Variants in PIK3C2G observed in about 807,000 individuals in gnomAD.
PIK3C2G encodes the protein phosphatidylinositol 3-kinase C2 domain-containing subunit gamma.
PIK3C2G carries 168 observed loss-of-function variants against 181.1 expected under a neutral mutation model. That is an observed-to-expected ratio of 0.93 (90% CI 0.82 to 1.05). PIK3C2G has a LOEUF of 1.05. Ranked by LOEUF, PIK3C2G falls within the 50% of genes least tolerant of loss-of-function variation. PIK3C2G has a pLI of 0.00. For missense variants in PIK3C2G, 1,869 were observed against 1,732.8 expected, an observed-to-expected ratio of 1.08 and a Z score of -1.40; for synonymous variants, 573 against 592.2, an observed-to-expected ratio of 0.97 and a Z score of 0.47.
intron 31 of PIK3C2G, among the ~76,000 whole-genome samples, chr12:18,621,860 C>A (rs1251624338): frequency 6.6e-6 from 1 of 151,550 alleles, no homozygotes; most frequent in Non-Finnish European, 1.5e-5. Flanking sequence ...ATTATTCCAC[C>A]TTTATATTAA....
At chr12:18,483,727 TCAAA>T (rs956919701) in intron 18 of PIK3C2G, among the ~76,000 whole-genome samples, 3 of 151,392 alleles carry the variant, frequency 2.0e-5, no homozygotes, top group Admixed American at 6.6e-5. Context: ...TAAAGGCAAC[TCAAA>T]CAAACAAGTG....
At position 18,640,414 on chromosome 12, in the gene PIK3C2G, C is replaced by A; in HGVS notation, c.4183-15C>A. ...AGCAACATGCATTAATATTTATAAC[C>A]ATTTTCCTTTGCAGCATCTCCCAGA... On this transcript the variant is annotated splice_polypyrimidine_tract_variant and intron_variant, in intron 31 of 32. Coordinates refer to ENST00000538779, the MANE Select transcript of PIK3C2G (RefSeq NM_001288772.2). 6.2e-7 allele frequency: 1 copy of A among 1,601,572 alleles called. No homozygotes were observed. The highest frequency in any genetic ancestry group is 8.5e-7 in the Non-Finnish European group (1 of 1,172,922).
rs577137960 is a variant in PIK3C2G, at chr12:18,307,949, A to G, written c.1035-6013A>G. ...CTCAAATATTATCATTTTAACATGT[A>G]ATCAAAATAAAGAAAATCATTGAGA... On this transcript the variant is annotated intron_variant, in intron 5 of 32. Coordinates refer to ENST00000538779, the MANE Select transcript of PIK3C2G (RefSeq NM_001288772.2). 3.9e-5 allele frequency among the ~76,000 whole-genome samples: 6 copies of G among 152,088 alleles called. No homozygotes were observed. The South Asian group carries it at 1.2e-3, about 31-fold the overall frequency.
At chr12:18,625,587 A>G (rs1043669758) in intron 31 of PIK3C2G, among the ~76,000 whole-genome samples, 1 of 151,714 alleles carries the variant, frequency 6.6e-6, no homozygotes, top group Non-Finnish European at 1.5e-5. Flanking sequence ...AATTTTCTGT[A>G]TGGATGATCT....
At chr12:18,614,765 C>A (rs968908867) in intron 31 of PIK3C2G, among the ~76,000 whole-genome samples, 2 of 152,032 alleles carry the variant, frequency 1.3e-5, no homozygotes, top group Non-Finnish European at 2.9e-5. Context: ...CTTTCTCTGA[C>A]CTTCATTTAC....
At chr12:18,507,671 T>G (rs1331330793) in intron 24 of PIK3C2G, among the ~76,000 whole-genome samples, 2 of 151,476 alleles carry the variant, frequency 1.3e-5, no homozygotes, top group Non-Finnish European at 2.9e-5. Flanking sequence ...TTTGGACATC[T>G]TTTTTTTTAA....
the PIK3C2G span, among the ~76,000 whole-genome samples, chr12:18,711,765 C>A: frequency 6.6e-6 from 1 of 151,746 alleles, no homozygotes; most frequent in African/African-American, 2.4e-5. Flanking sequence ...CTATTCATAT[C>A]CAAGTGGTAA....
intron 1 of PIK3C2G, among the ~76,000 whole-genome samples, chr12:18,270,201 C>T (rs367800662): frequency 9.9e-4 from 151 of 152,192 alleles, no homozygotes; most frequent in African/African-American, 3.5e-3. Context: ...TGAGCCACTG[C>T]GCACAGCCCG....
chr12:18,480,669 C>A, intron 18 of PIK3C2G, among the ~76,000 whole-genome samples: 1 of 152,142 alleles, frequency 6.6e-6, no homozygotes, highest in East Asian at 1.9e-4. Flanking sequence ...GCTACTGCTC[C>A]TTTCCATGGC....
intron 18 of PIK3C2G, among the ~76,000 whole-genome samples, chr12:18,485,596 T>C (rs1390266791): frequency 1.3e-5 from 2 of 152,166 alleles, no homozygotes; most frequent in African/African-American, 4.8e-5. Context: ...CATTAAGGCA[T>C]GTGTACAAAA....
rs531321221 is a variant in PIK3C2G at position 18,572,568 on chromosome 12, T to C, written c.4011+5511T>C. Among the ~76,000 whole-genome samples the C allele has an allele frequency of 1.8e-4, 27 of 151,828 alleles. No homozygotes were observed. The South Asian group carries it at 5.4e-3, about 30-fold the overall frequency. On this transcript the variant is annotated intron_variant, in intron 29 of 32. Transcript: ENST00000538779. ...ACTATAATCTACTCAGATGTAATGT[T>C]GTTACTTTTATCATGCTTGAGCTTC...
intron 18 of PIK3C2G, among the ~76,000 whole-genome samples, chr12:18,461,062 C>A (rs1216703441): frequency 6.6e-6 from 1 of 152,036 alleles, no homozygotes; most frequent in African/African-American, 2.4e-5. Flanking sequence ...TTCTTCAAAA[C>A]TGTATGTTTA....
chr12:18,503,073 C>T (rs530707878), intron 22 of PIK3C2G, among the ~76,000 whole-genome samples: 20 of 152,176 alleles, frequency 1.3e-4, no homozygotes, highest in Non-Finnish European at 2.8e-4. Flanking sequence ...CTGATTAATC[C>T]GATCCAAACA....
intron 24 of PIK3C2G, among the ~76,000 whole-genome samples, chr12:18,509,910 T>A (rs1223949222): frequency 6.6e-6 from 1 of 152,286 alleles, no homozygotes; most frequent in East Asian, 1.9e-4. Flanking sequence ...ATGGAAACAA[T>A]AAGGAATTTC....
At chr12:18,492,654 A>C (rs1417976508) in intron 20 of PIK3C2G, among the ~76,000 whole-genome samples, 3 of 152,256 alleles carry the variant, frequency 2.0e-5, no homozygotes, top group Non-Finnish European at 2.9e-5. Context: ...TAATGTAGAA[A>C]GAACAACAGG....
At chr12:18,517,838 T>A (rs868674974) in intron 24 of PIK3C2G, among the ~76,000 whole-genome samples, 28 of 152,350 alleles carry the variant, frequency 1.8e-4, no homozygotes, top group African/African-American at 6.7e-4. Context: ...TTCCAGCTTT[T>A]GCCCATTCAG....
chr12:18,359,834 G>C (rs1357301535), intron 11 of PIK3C2G, among the ~76,000 whole-genome samples: 1 of 151,990 alleles, frequency 6.6e-6, no homozygotes, highest in Non-Finnish European at 1.5e-5. Context: ...TGGCCTATTT[G>C]TGTCCTTAAA....
chr12:18,556,299 C>T (rs923800819), intron 26 of PIK3C2G, among the ~76,000 whole-genome samples: 1 of 152,094 alleles, frequency 6.6e-6, no homozygotes, highest in Non-Finnish European at 1.5e-5. Flanking sequence ...ACTCAGAGCC[C>T]CAGTCCCAAG....
intron 31 of PIK3C2G, among the ~76,000 whole-genome samples, chr12:18,634,627 A>G (rs370358157): frequency 5.6e-4 from 86 of 152,294 alleles, no homozygotes; most frequent in African/African-American, 1.7e-3. Flanking sequence ...TTGGGCACTC[A>G]GCAGTGGCTG....
Sources: allele counts gnomAD v4.1 joint callset (sites outside exome capture counted in the v4.1 genomes callset), GRCh38; gene constraint gnomAD v4.1.1; transcripts MANE v1.5; gene names NCBI Gene and HGNC (gene_info 2026-07-23, HGNC 2026-07-21).